The following TBC1D32 variants were observed in gnomAD, a reference collection of about 807,000 sequenced individuals.
The protein encoded by TBC1D32 is protein broad-minded.
TBC1D32 carries 151 observed loss-of-function variants against 170.3 expected under a neutral mutation model. The ratio of observed to expected loss-of-function variants is 0.89; its 90% confidence interval spans 0.78 to 1.01. The LOEUF (loss-of-function observed/expected upper bound fraction) is 1.01. Ranked by LOEUF, TBC1D32 falls within the 50% of genes least tolerant of loss-of-function variation. The probability of loss-of-function intolerance (pLI) is 0.00; values close to 1 mark genes in which losing one functional copy is unlikely to be tolerated. For missense variants in TBC1D32, 1,464 were observed against 1,457.1 expected, an observed-to-expected ratio of 1.00 and a Z score of -0.08; for synonymous variants, 498 against 488.0, an observed-to-expected ratio of 1.02 and a Z score of -0.27.
At chr6:121,244,192 A>T (rs1232605318) in intron 17 of TBC1D32, among the ~76,000 whole-genome samples, 2 of 152,018 alleles carry the variant, frequency 1.3e-5, no homozygotes, top group Admixed American at 6.5e-5. Context: ...AAAAATTTAT[A>T]TAATAAATAA....
At chr6:121,179,051 A>G (rs1457887988) in intron 22 of TBC1D32, among the ~76,000 whole-genome samples, 1 of 152,158 alleles carries the variant, frequency 6.6e-6, no homozygotes, top group Non-Finnish European at 1.5e-5. Context: ...AAGTTTATAG[A>G]AATTTTTTAA....
chr6:121,295,028 C>A (rs1332022398), intron 10 of TBC1D32, among the ~76,000 whole-genome samples: 1 of 152,014 alleles, frequency 6.6e-6, no homozygotes, highest in Non-Finnish European at 1.5e-5. Context: ...TTCCTCCTAC[C>A]CAGCTAGCAA....
chr6:121,152,960 TGGA>T (rs771257274), intron 24 of TBC1D32, among the ~76,000 whole-genome samples: 7 of 152,084 alleles, frequency 4.6e-5, no homozygotes, highest in Non-Finnish European at 5.9e-5. Context: ...TCCTTTAGCT[TGGA>T]GGAGTTTGTT....
In TBC1D32 at chr6:121,241,552, C is replaced by G; in HGVS notation, c.2158G>C (p.Val720Leu). 6.2e-7 allele frequency: 1 copy of G among 1,612,470 alleles called. No individual in the cohort carries two copies. Among genetic ancestry groups the G allele is most frequent in the Non-Finnish European group, 8.5e-7 (1 of 1,178,954 alleles). ...IFNRYAKKLQ[V>L]SRHKKFGYGV... ...TAGCCAAATTTTTTATGCCTGCTGA[C>G]CTAACAGCATAAATAAGGAACAGCA... Residue 720 changes from valine to leucine, a missense_variant and splice_region_variant, in exon 19 of 32, where the codon GTC becomes CTC. Val to Leu is a conservative substitution (Grantham distance 32). This residue lies in a region of TBC1D32 where 1,363 missense variants were observed against 1,338.1 expected (regional missense o/e 1.02). Transcript: ENST00000398212.
chr6:121,223,497 T>C (rs541803926), intron 20 of TBC1D32, 145 bp from the exon 21 acceptor site: 1 of 653,874 alleles, frequency 1.5e-6, no homozygotes, highest in Non-Finnish European at 2.7e-6. Flanking sequence ...AATATGTACA[T>C]ATATAAGTAC....
At chr6:121,271,213 T>A (rs150568413) in intron 15 of TBC1D32, among the ~76,000 whole-genome samples, 3,642 of 152,232 alleles carry the variant, frequency 0.024, 162 homozygotes, top group East Asian at 0.12. Flanking sequence ...AAGACAGGGA[T>A]GCCCTCTTTC....
chr6:121,116,087 C>T (rs1779649022), intron 26 of TBC1D32, among the ~76,000 whole-genome samples: 1 of 151,960 alleles, frequency 6.6e-6, no homozygotes, highest in Admixed American at 6.6e-5. Context: ...ACACACAGTG[C>T]ATGCACACAC....
At chr6:121,208,056 C>T (rs977542304) in intron 21 of TBC1D32, among the ~76,000 whole-genome samples, 5 of 151,582 alleles carry the variant, frequency 3.3e-5, no homozygotes, top group Non-Finnish European at 7.4e-5. Flanking sequence ...GAAAAGGCTG[C>T]TCTCCTGTTT....
chr6:121,145,457 G>A (rs1031233086), intron 24 of TBC1D32, among the ~76,000 whole-genome samples: 7 of 151,984 alleles, frequency 4.6e-5, no homozygotes, highest in Admixed American at 1.3e-4. Flanking sequence ...ACCAGAAGCT[G>A]GAGGGCAGGG....
At chr6:121,325,062 A>T (rs1031108135) in intron 1 of TBC1D32, among the ~76,000 whole-genome samples, 3 of 152,128 alleles carry the variant, frequency 2.0e-5, no homozygotes, top group Non-Finnish European at 2.9e-5. Flanking sequence ...ATACAAAAAA[A>T]TTAGCTGGGC....
At chr6:121,191,579 C>T (rs1443439537) in intron 22 of TBC1D32, among the ~76,000 whole-genome samples, 2 of 147,678 alleles carry the variant, frequency 1.4e-5, no homozygotes, top group South Asian at 2.1e-4. Flanking sequence ...TGCTCACTTA[C>T]TCTATGTACC....
At chr6:121,306,744 T>G (rs1312137981) in intron 5 of TBC1D32, among the ~76,000 whole-genome samples, 2 of 152,194 alleles carry the variant, frequency 1.3e-5, no homozygotes, top group Admixed American at 6.5e-5. Context: ...TTTCATCATA[T>G]GATAACTGTT....
At chr6:121,240,407 T>C (rs1434452979) in intron 19 of TBC1D32, among the ~76,000 whole-genome samples, 2 of 135,878 alleles carry the variant, frequency 1.5e-5, no homozygotes, top group East Asian at 2.4e-4. Context: ...TGTTTCATAA[T>C]ACAAGTAGTC....
At chr6:121,310,119 G>A (rs1011797906) in intron 4 of TBC1D32, among the ~76,000 whole-genome samples, 2 of 151,962 alleles carry the variant, frequency 1.3e-5, no homozygotes, top group African/African-American at 4.8e-5. Flanking sequence ...ATGGGTAACT[G>A]CTGGTCAAAG....
chr6:121,181,879 G>C (rs1217643244), intron 22 of TBC1D32, among the ~76,000 whole-genome samples: 3 of 152,010 alleles, frequency 2.0e-5, no homozygotes, highest in Admixed American at 6.6e-5. Flanking sequence ...GCACAAAAAG[G>C]CATATATCAC....
chr6:121,082,462 T>G (rs1775736174), intron 31 of TBC1D32, among the ~76,000 whole-genome samples: 1 of 152,002 alleles, frequency 6.6e-6, no homozygotes, highest in Non-Finnish European at 1.5e-5. Context: ...TTTAACTACC[T>G]CTTCACTAAA....
At chr6:121,173,919 A>AT (rs1349908370) in intron 22 of TBC1D32, among the ~76,000 whole-genome samples, 3 of 23,246 alleles carry the variant, frequency 1.3e-4, no homozygotes, top group East Asian at 9.3e-4. Context: ...ATAAGAAAAA[A>AT]TAAAAAAAAA....
At chr6:121,109,049 T>C (rs1778969501) in intron 29 of TBC1D32, among the ~76,000 whole-genome samples, 2 of 152,152 alleles carry the variant, frequency 1.3e-5, no homozygotes, top group Non-Finnish European at 2.9e-5. Flanking sequence ...TTAAGACTTA[T>C]AGTCACATAT....
In TBC1D32 at chr6:121,202,816, A is replaced by T. The variant is rs1462405667; in HGVS notation, c.2570+2259T>A. Among the ~76,000 whole-genome samples, 3 of 151,290 alleles carry T rather than the reference A, an allele frequency of 2.0e-5. No individual in the cohort carries two copies. The East Asian group carries it at 5.8e-4, about 29-fold the overall frequency. On this transcript the variant is annotated intron_variant, in intron 22 of 31. Transcript: ENST00000398212. ...TAGTCATTTACAATGTAAGATTTGT[A>T]AGATCTTGGCAATTTAAAATTCAGA...
Sources: gnomAD v4.1 joint callset for allele counts (sites outside exome capture counted in the v4.1 genomes callset) on GRCh38, gnomAD v4.1.1 for gene constraint, gnomAD v4.1.1 regional missense constraint, MANE v1.5 for transcripts, NCBI Gene and HGNC (gene_info 2026-07-23, HGNC 2026-07-21) for gene names.